The following GARNL3 variants were observed in gnomAD, a reference collection of about 807,000 sequenced individuals.
The protein encoded by GARNL3 is GTPase activating Rap/RanGAP domain like 3.
A neutral mutation model predicts 125.0 loss-of-function variants in GARNL3; 63 were observed. The observed-to-expected ratio is 0.50, with a 90% CI of 0.41 to 0.62. GARNL3 has a LOEUF of 0.62. GARNL3 is among the 20% of genes least tolerant of loss of function. GARNL3 has a pLI of 0.00. For synonymous variants in GARNL3, 439 were observed against 457.5 expected, an observed-to-expected ratio of 0.96 and a Z score of 0.52; for missense variants, 994 against 1,244.0, an observed-to-expected ratio of 0.80 and a Z score of 3.02.
rs1204345331 is a variant in GARNL3, at chr9:127,264,823, C to T, written c.-55C>T. The T allele has an allele frequency of 6.9e-7, 1 of 1,452,698 alleles. No individual in the cohort carries two copies. The highest frequency in any genetic ancestry group is 2.2e-5 in the Admixed American group (1 of 45,754). The allele number at this position is 1,452,698 out of a possible 1,614,324, so 90.0% of individuals were successfully genotyped here. On this transcript the variant is annotated 5_prime_UTR_variant, in exon 1 of 28. Coordinates refer to ENST00000373387, the MANE Select transcript of GARNL3 (RefSeq NM_032293.5). ...CTGTGTCTGTTGCAAGGAGGCTCCC[C>T]TGCAGTGAGGAGCCGGGGCACTGCA...
intron 2 of GARNL3, among the ~76,000 whole-genome samples, chr9:127,298,110 T>C (rs187397029): frequency 4.6e-5 from 7 of 152,324 alleles, no homozygotes; most frequent in Admixed American, 4.6e-4. Flanking sequence ...AAAATAAATG[T>C]CTAAAATGTA....
At chr9:127,366,202 A>T (rs1057396760) in intron 22 of GARNL3, among the ~76,000 whole-genome samples, 1 of 152,246 alleles carries the variant, frequency 6.6e-6, no homozygotes, top group Non-Finnish European at 1.5e-5. Context: ...TTGATTAATA[A>T]GTATAAGAAA....
intron 8 of GARNL3, 50 bp from the exon 9 acceptor site, chr9:127,332,973 G>A (rs1221315343): frequency 7.9e-7 from 1 of 1,260,568 alleles, no homozygotes; most frequent in Non-Finnish European, 1.2e-6. Flanking sequence ...GTTAGAAAAT[G>A]AGGACTTGTT....
intron 14 of GARNL3, among the ~76,000 whole-genome samples, chr9:127,342,871 C>G (rs992448184): frequency 6.7e-6 from 1 of 149,744 alleles, no homozygotes; most frequent in Non-Finnish European, 1.5e-5. Context: ...TCTATCACTT[C>G]AGGTGCACAT....
chr9:127,339,584 G>A, intron 12 of GARNL3, 61 bp from the exon 13 acceptor site: 1 of 1,212,320 alleles, frequency 8.2e-7, no homozygotes, highest in South Asian at 1.2e-5. Context: ...GGCGATTTGG[G>A]TGGGGACACA....
In GARNL3 at chr9:127,339,664, G is replaced by A; in HGVS notation, c.1048G>A (p.Glu350Lys). Reference protein sequence around the residue: ...DNYRLKIFSEESVPLFGPPLP... With the variant: ...DNYRLKIFSEKSVPLFGPPLP... ...ACTTAGGCTGAAAATATTTTCAGAAGAGAGCGTACCACTCTTTGGCCCTCC... is the reference window on the plus strand; with the variant it reads ...ACTTAGGCTGAAAATATTTTCAGAAAAGAGCGTACCACTCTTTGGCCCTCC... The change falls in exon 13 of 28, where the codon GAG becomes AAG. Residue 350 changes from glutamate to lysine, a missense_variant. Physicochemically the swap from Glu to Lys is moderately conservative, Grantham distance 56 (BLOSUM62 1). This residue lies in a region of GARNL3 where 728 missense variants were observed against 865.7 expected (regional missense o/e 0.84). Coordinates refer to ENST00000373387, the MANE Select transcript of GARNL3 (RefSeq NM_032293.5). 1 of 1,612,398 alleles carries A rather than the reference G, an allele frequency of 6.2e-7. No homozygotes were observed.
intron 12 of GARNL3, among the ~76,000 whole-genome samples, chr9:127,338,999 A>G (rs1393739192): frequency 6.6e-6 from 1 of 152,180 alleles, no homozygotes; most frequent in African/African-American, 2.4e-5. Flanking sequence ...GACTGGGAAG[A>G]AAAAGAGGTT....
At chr9:127,390,973 T>G (rs1340985476) in intron 27 of GARNL3, among the ~76,000 whole-genome samples, 1 of 152,188 alleles carries the variant, frequency 6.6e-6, no homozygotes, top group Non-Finnish European at 1.5e-5. Context: ...TTACCAGCAG[T>G]CAACTGCTAA....
At chr9:127,352,955 AC>A (rs1332351080) in intron 17 of GARNL3, among the ~76,000 whole-genome samples, 3 of 152,246 alleles carry the variant, frequency 2.0e-5, no homozygotes, top group Admixed American at 1.3e-4. Flanking sequence ...CATCCCGGAC[AC>A]CTCTGCCTTG....
chr9:127,305,399 A>G (rs765176078), intron 2 of GARNL3, among the ~76,000 whole-genome samples: 1 of 151,974 alleles, frequency 6.6e-6, no homozygotes, highest in African/African-American at 2.4e-5. Context: ...CAGTTCCTGC[A>G]TGTATTTTTG....
chr9:127,361,510 G>A, intron 21 of GARNL3, among the ~76,000 whole-genome samples: 1 of 152,146 alleles, frequency 6.6e-6, no homozygotes. Context: ...ACCCCACCAG[G>A]CCCCTGTCCC....
At chr9:127,277,383 C>G (rs2063983477) in intron 1 of GARNL3, among the ~76,000 whole-genome samples, 1 of 150,364 alleles carries the variant, frequency 6.7e-6, no homozygotes, top group African/African-American at 2.5e-5. Context: ...TTCCATTTAA[C>G]AAATTCTTGA....
chr9:127,256,933 T>C (rs1010615398), intron 2 of GARNL3, among the ~76,000 whole-genome samples: 1 of 152,180 alleles, frequency 6.6e-6, no homozygotes, highest in African/African-American at 2.4e-5. Context: ...AACAGTTCCA[T>C]CCCCAAAGGC....
intron 2 of GARNL3, among the ~76,000 whole-genome samples, chr9:127,253,753 A>G (rs1475350320): frequency 6.6e-6 from 1 of 152,130 alleles, no homozygotes; most frequent in African/African-American, 2.4e-5. Flanking sequence ...TGAAGGGTGT[A>G]GGTGTAGGAC....
rs1185304448 is a variant in GARNL3 at position 127,392,320 on chromosome 9, G to A, written c.2871-763G>A. On this transcript the variant is annotated intron_variant, in intron 27 of 27. Transcript: ENST00000373387. The surrounding 1 kb of genome is among the most constrained non-coding windows in gnomAD (Gnocchi z 5.2). ...TACAAGAAATTGAGAAGAAGTGACG[G>A]GGCTGGCACATAGAAGGTCTACTCT... 6.6e-6 allele frequency among the ~76,000 whole-genome samples: 1 copy of A among 152,238 alleles called. No individual in the cohort carries two copies. The highest frequency in any genetic ancestry group is 1.5e-5 in the Non-Finnish European group (1 of 68,046).
chr9:127,254,768 C>CAAA (rs35993565), intron 2 of GARNL3, among the ~76,000 whole-genome samples: 2 of 90,930 alleles, frequency 2.2e-5, no homozygotes. Context: ...GATTCTGTCT[C>CAAA]AAAAAAAAAA....
chr9:127,276,381 T>A (rs80299877), intron 1 of GARNL3, among the ~76,000 whole-genome samples: 3 of 126,960 alleles, frequency 2.4e-5, no homozygotes, highest in South Asian at 2.3e-4. Context: ...CTTCTCAGCA[T>A]TTTTTTTTTT....
Position 127,393,192 on chromosome 9 carries a change from T to C in GARNL3, c.2980T>C (p.Ser994Pro), listed in dbSNP as rs756070141. 1.6e-5 allele frequency: 26 copies of C among 1,613,756 alleles called. No homozygotes were observed. The South Asian group carries it at 2.9e-4, about 18-fold the overall frequency. Residue 994 changes from serine (S) to proline (P), a missense_variant, in exon 28 of 28, where the codon TCC (serine) becomes CCC (proline). Transcript: ENST00000373387. ...GGCAGACAGAGAGGGCAGCCCGGTC[T>C]CCGGCAGCAGCCCCTTCCAGCTCAC... ...PVADREGSPV[S>P]GSSPFQLTAF...
rs1315201182 is a variant in GARNL3 at position 127,242,155 on chromosome 9, C to T, written c.-28-924C>T. Among the ~76,000 whole-genome samples the T allele has an allele frequency of 6.6e-6, 1 of 151,700 alleles. No individual in the cohort carries two copies. The highest frequency in any genetic ancestry group is 6.6e-5 in the Admixed American group (1 of 15,226). Reference sequence around the variant, plus strand: ...TGAGCCATTAGGCCTTTTGTCTTTTCTCAGTCTTTCTTTCTTTCTTTTTTA... The same window carrying T: ...TGAGCCATTAGGCCTTTTGTCTTTTTTCAGTCTTTCTTTCTTTCTTTTTTA... On this transcript the variant is annotated intron_variant, in intron 1 of 10. Transcript: ENST00000439286. The surrounding 1 kb of genome is among the most constrained non-coding windows in gnomAD (Gnocchi z 4.6).
Sources: allele counts gnomAD v4.1 joint callset (sites outside exome capture counted in the v4.1 genomes callset), GRCh38; gene constraint gnomAD v4.1.1; regional missense constraint gnomAD v4.1.1; non-coding constraint Gnocchi (gnomAD v3.1); transcripts MANE v1.5; gene names NCBI Gene and HGNC (gene_info 2026-07-23, HGNC 2026-07-21).